The following ZNF280D variants were observed in gnomAD, a reference collection of about 807,000 sequenced individuals.
ZNF280D encodes the protein suppressor of hairy wing homolog 4.
In ZNF280D, 39 loss-of-function variants were observed where a neutral mutation model predicts 94.7. The observed-to-expected ratio is 0.41, with a 90% CI of 0.32 to 0.54. The LOEUF (loss-of-function observed/expected upper bound fraction) is 0.54. ZNF280D is among the 20% of genes least tolerant of loss of function. The pLI, the probability that ZNF280D is intolerant of heterozygous loss-of-function variation, is 0.22. For synonymous variants in ZNF280D, 398 were observed against 377.6 expected (o/e 1.05, Z -0.63); for missense variants, 1,090 against 1,149.3 (o/e 0.95, Z 0.75).
At chr15:56,709,559 C>T (rs554005976) in intron 1 of ZNF280D, among the ~76,000 whole-genome samples, 6 of 152,230 alleles carry the variant, frequency 3.9e-5, no homozygotes, top group East Asian at 3.9e-4. Context: ...CACATGCACA[C>T]GTATGTTTAT....
At chr15:56,697,317 T>A (rs2056813548) in intron 6 of ZNF280D, among the ~76,000 whole-genome samples, 1 of 152,126 alleles carries the variant, frequency 6.6e-6, no homozygotes, top group African/African-American at 2.4e-5. Flanking sequence ...CCCAAGTAGC[T>A]GGGATTACAG....
At chr15:56,655,861 T>G (rs1353134581) in intron 17 of ZNF280D, among the ~76,000 whole-genome samples, 1 of 152,198 alleles carries the variant, frequency 6.6e-6, no homozygotes, top group Non-Finnish European at 1.5e-5. Flanking sequence ...TGAAGTGCTA[T>G]TTAAAAGAAA....
chr15:56,630,532 A>G lies in ZNF280D; in HGVS notation c.*966T>C, dbSNP rs1407397820. ...AAGTTTTTATTTTACAATTACAGAA[A>G]AGTCACTTAAACATGGCTGAATACA... On this transcript the variant is annotated 3_prime_UTR_variant, in exon 22 of 22. Transcript: ENST00000267807. The G allele has an allele frequency of 1.3e-5, 2 of 152,128 alleles. No individual in the cohort carries two copies. The highest frequency in any genetic ancestry group is 4.8e-5 in the African/African-American group (2 of 41,440). The allele number at this position is 152,128 out of a possible 1,614,324, so 9.4% of individuals were successfully genotyped here. A position where few individuals can be genotyped will look rare whatever the true frequency, so the allele number is the denominator to read the frequency against.
intron 19 of ZNF280D, among the ~76,000 whole-genome samples, chr15:56,646,321 T>C (rs2052890899): frequency 6.6e-6 from 1 of 152,178 alleles, no homozygotes; most frequent in Non-Finnish European, 1.5e-5. Context: ...CAGCTCAGTC[T>C]CAGGAGGCTG....
At chr15:56,687,263 A>T (rs2056091097) in intron 9 of ZNF280D, among the ~76,000 whole-genome samples, 2 of 152,100 alleles carry the variant, frequency 1.3e-5, no homozygotes, top group Non-Finnish European at 2.9e-5. Flanking sequence ...TTCCTTATTT[A>T]AAATGTCATA....
At chr15:56,663,252 C>A (rs1187227084) in intron 16 of ZNF280D, among the ~76,000 whole-genome samples, 4 of 102,640 alleles carry the variant, frequency 3.9e-5, no homozygotes, top group African/African-American at 1.8e-4. Context: ...CCACTGCACT[C>A]CAGCCTGGGT....
chr15:56,649,752 A>G (rs1429039748), intron 19 of ZNF280D, among the ~76,000 whole-genome samples: 1 of 152,094 alleles, frequency 6.6e-6, no homozygotes, highest in Non-Finnish European at 1.5e-5. Flanking sequence ...CAGGAAAATA[A>G]TGGAATGAAC....
At position 56,631,229 on chromosome 15, in the gene ZNF280D, C is replaced by G. The variant is rs1283820162; in HGVS notation, c.*269G>C. The G allele has an allele frequency of 5.9e-6, 2 of 338,722 alleles. No individual in the cohort carries two copies. Among genetic ancestry groups the G allele is most frequent in the African/African-American group, 4.1e-5 (2 of 48,468 alleles). The allele number at this position is 338,722 out of a possible 1,614,324, so 21.0% of individuals were successfully genotyped here. Reference sequence around the variant, plus strand: ...CAACCAAATCCCATTTCCTTGAAAACCATTAAATGAGACCTTTCCACTGCA... The same window carrying G: ...CAACCAAATCCCATTTCCTTGAAAAGCATTAAATGAGACCTTTCCACTGCA... On this transcript the variant is annotated 3_prime_UTR_variant, in exon 22 of 22. Transcript: ENST00000267807.
chr15:56,676,063 T>C (rs369104380), intron 13 of ZNF280D, among the ~76,000 whole-genome samples: 3 of 151,556 alleles, frequency 2.0e-5, no homozygotes, highest in East Asian at 3.9e-4. Context: ...CAAAATTATA[T>C]AGCAAAACTG....
At chr15:56,670,856 T>A (rs2054815426) in intron 13 of ZNF280D, among the ~76,000 whole-genome samples, 1 of 152,096 alleles carries the variant, frequency 6.6e-6, no homozygotes, top group South Asian at 2.1e-4. Context: ...TATTTTTTTA[T>A]CTTTTAATAA....
intron 3 of ZNF280D, among the ~76,000 whole-genome samples, chr15:56,704,897 C>T (rs918922691): frequency 6.6e-6 from 1 of 151,888 alleles, no homozygotes; most frequent in South Asian, 2.1e-4. Flanking sequence ...TCAGGAGAAT[C>T]GCTTGAATCT....
chr15:56,676,657 T>G lies in ZNF280D; in HGVS notation c.1410+13A>C. The G allele has an allele frequency of 6.3e-7, 1 of 1,583,032 alleles. No homozygotes were observed. On this transcript the variant is annotated intron_variant, in intron 13 of 21. Coordinates refer to ENST00000267807, the MANE Select transcript of ZNF280D (RefSeq NM_017661.4). The stretch of plus-strand genomic sequence containing the variant: ...GACAACATAATAAACAAATAAGAAC[T>G]GGTAAATCTCACCTGATGCTTCATA...
chr15:56,653,579 A>G (rs1428795233), intron 19 of ZNF280D: 2 of 1,500,208 alleles, frequency 1.3e-6, no homozygotes, highest in Non-Finnish European at 1.8e-6. Context: ...ATTTTTTGAA[A>G]TCTCTGGGCT....
At chr15:56,716,758 A>G (rs150950142) in intron 1 of ZNF280D, among the ~76,000 whole-genome samples, 5 of 152,286 alleles carry the variant, frequency 3.3e-5, no homozygotes, top group East Asian at 1.9e-4. Context: ...CAACACCCCC[A>G]CTTGAAATAC....
At chr15:56,701,952 C>T (rs181059422) in intron 4 of ZNF280D, among the ~76,000 whole-genome samples, 77 of 145,412 alleles carry the variant, frequency 5.3e-4, no homozygotes, top group Admixed American at 4.8e-3. Flanking sequence ...TAACTTCTAG[C>T]TTATCAAATT....
At chr15:56,677,794 G>A (rs1387235916) in intron 11 of ZNF280D, 120 bp from the exon 12 acceptor site, 1 of 323,048 alleles carries the variant, frequency 3.1e-6, no homozygotes, top group Non-Finnish European at 5.5e-6. Flanking sequence ...GAGTTAAACA[G>A]CTTGTTAACT....
At chr15:56,695,427 T>C (rs1249645094) in intron 6 of ZNF280D, among the ~76,000 whole-genome samples, 2 of 151,754 alleles carry the variant, frequency 1.3e-5, no homozygotes, top group East Asian at 1.9e-4. Flanking sequence ...GGTAATGAAA[T>C]AAAAATGTTT....
At chr15:56,710,709 A>G (rs2057712877) in intron 1 of ZNF280D, among the ~76,000 whole-genome samples, 2 of 152,168 alleles carry the variant, frequency 1.3e-5, no homozygotes, top group South Asian at 2.1e-4. Flanking sequence ...TGTTTTAACT[A>G]TCTGAAATTT....
intron 6 of ZNF280D, chr15:56,698,777 TGG>T (rs2056894190): frequency 6.6e-6 from 1 of 152,202 alleles, no homozygotes. Flanking sequence ...GCAGCCTTAT[TGG>T]GAAGACCTAC....
Sources: gnomAD v4.1 joint callset for allele counts (sites outside exome capture counted in the v4.1 genomes callset) on GRCh38, gnomAD v4.1.1 for gene constraint, MANE v1.5 for transcripts, NCBI Gene and HGNC (gene_info 2026-07-23, HGNC 2026-07-21) for gene names.